Variants in CERT1 observed in about 807,000 individuals in gnomAD.
The protein encoded by CERT1 is ceramide transfer protein.
A neutral mutation model predicts 87.9 loss-of-function variants in CERT1; 31 were observed. That is an observed-to-expected ratio of 0.35 (90% CI 0.27 to 0.48). CERT1 has a LOEUF of 0.48. Among genes scored for constraint, CERT1 ranks in the 20% least tolerant of loss-of-function variants. The probability of loss-of-function intolerance (pLI) is 0.99; values close to 1 mark genes in which losing one functional copy is unlikely to be tolerated. For synonymous variants in CERT1, 289 were observed against 250.9 expected (o/e 1.15, Z -1.44); for missense variants, 487 against 758.0 (o/e 0.64, Z 4.20).
chr5:75,397,596 T>C (rs191123968), intron 11 of CERT1, among the ~76,000 whole-genome samples: 2 of 152,218 alleles, frequency 1.3e-5, no homozygotes, highest in South Asian at 2.1e-4. Flanking sequence ...TTATAGCCTA[T>C]GTATTCCTGC....
At chr5:75,443,094 T>G (rs940936570) in intron 3 of CERT1, among the ~76,000 whole-genome samples, 2 of 152,140 alleles carry the variant, frequency 1.3e-5, no homozygotes, top group African/African-American at 4.8e-5. Context: ...TGTTGGTAAT[T>G]TGAATGTTCT....
intron 2 of CERT1, among the ~76,000 whole-genome samples, chr5:75,497,820 G>A (rs1181238137): frequency 6.6e-6 from 1 of 152,144 alleles, no homozygotes; most frequent in Non-Finnish European, 1.5e-5. Flanking sequence ...CGTAGAGAGT[G>A]GGGTGCTGCT....
At chr5:75,431,188 AT>A (rs558281941) in intron 3 of CERT1, among the ~76,000 whole-genome samples, 6 of 152,232 alleles carry the variant, frequency 3.9e-5, no homozygotes, top group African/African-American at 1.4e-4. Flanking sequence ...CCTGACAGGT[AT>A]TTTTTTGTCC....
rs757777770 is a variant in CERT1, at chr5:75,381,199, T to C, written c.1620A>G (p.Leu540=). The stretch of plus-strand genomic sequence containing the variant: ...TTTTGGCACGGACACATCGGTTGTT[T>C]AGCTGCCAAAACAAAAAACAAAGCA... ...NFSVDHDSAP[L]NNRCVRAKIN... is the part of the protein sequence containing the mutation. Residue 540 remains leucine, a splice_region_variant and synonymous_variant, in exon 16 of 17, where the codon CTA becomes CTG. Coordinates refer to ENST00000643780, the MANE Select transcript of CERT1 (RefSeq NM_001379029.1). 1 of 1,614,122 alleles carries C rather than the reference T, an allele frequency of 6.2e-7. No individual in the cohort carries two copies. The highest frequency in any genetic ancestry group is 8.5e-7 in the Non-Finnish European group (1 of 1,179,998).
intron 5 of CERT1, among the ~76,000 whole-genome samples, chr5:75,420,982 T>A (rs944343352): frequency 8.5e-5 from 13 of 152,132 alleles, no homozygotes; most frequent in Non-Finnish European, 1.3e-4. Flanking sequence ...CCAGCCCAGC[T>A]AATTTTTGTA....
chr5:75,373,922 C>G, downstream of CERT1: 1 of 390,142 alleles, frequency 2.6e-6, no homozygotes. Context: ...ATTTTTTTTT[C>G]TCTTCTAGGA....
intron 3 of CERT1, among the ~76,000 whole-genome samples, chr5:75,434,384 G>C (rs1301445874): frequency 1.3e-5 from 2 of 152,026 alleles, no homozygotes; most frequent in African/African-American, 4.8e-5. Flanking sequence ...ACGTGCTGCT[G>C]TATTCAATTT....
chr5:75,420,721 A>G (rs1763342705), intron 5 of CERT1, among the ~76,000 whole-genome samples: 1 of 151,956 alleles, frequency 6.6e-6, no homozygotes, highest in South Asian at 2.1e-4. Context: ...CTACTACGCC[A>G]CATGCTTTAA....
intron 14 of CERT1, among the ~76,000 whole-genome samples, chr5:75,384,248 A>C (rs184843410): frequency 8.3e-4 from 127 of 152,322 alleles, no homozygotes; most frequent in Non-Finnish European, 1.5e-3. Context: ...ACTGTGTATA[A>C]AGAAAGCTAA....
chr5:75,381,541 T>A lies in CERT1; in HGVS notation c.1618-340A>T, dbSNP rs915304446. Among the ~76,000 whole-genome samples the A allele has an allele frequency of 1.7e-3, 255 of 149,908 alleles. 1 individual carries two copies. The highest frequency in any genetic ancestry group is 3.5e-3 in the Middle Eastern group (1 of 288). The stretch of plus-strand genomic sequence containing the variant: ...TGGCTAATTAAAAAAAAAAAAAAAA[T>A]TTTTTTTAATAGAGATGGGGTCTAA... On this transcript the variant is annotated intron_variant, in intron 15 of 16. Coordinates refer to ENST00000643780, the MANE Select transcript of CERT1 (RefSeq NM_001379029.1).
At chr5:75,467,379 C>G (rs181927290) in intron 2 of CERT1, among the ~76,000 whole-genome samples, 1 of 152,038 alleles carries the variant, frequency 6.6e-6, no homozygotes, top group East Asian at 1.9e-4. Context: ...TGGTAGCTCA[C>G]GCCTGTAATC....
upstream of CERT1, chr5:75,511,879 C>T: frequency 1.3e-6 from 2 of 1,500,472 alleles, no homozygotes; most frequent in South Asian, 2.5e-5. Context: ...CTCGCGCAGC[C>T]TCCTGGGAGT....
chr5:75,456,285 T>C (rs1764978430), intron 3 of CERT1, among the ~76,000 whole-genome samples: 2 of 152,148 alleles, frequency 1.3e-5, no homozygotes, highest in African/African-American at 4.8e-5. Context: ...TCAGTTGGCA[T>C]ACATCACATA....
At chr5:75,410,219 T>A (rs1189177566) in intron 8 of CERT1, among the ~76,000 whole-genome samples, 2 of 152,224 alleles carry the variant, frequency 1.3e-5, no homozygotes, top group Admixed American at 6.5e-5. Context: ...GGAGATTTTA[T>A]TACCTGCTTA....
chr5:75,479,794 T>C (rs755352064), intron 2 of CERT1, among the ~76,000 whole-genome samples: 3 of 152,210 alleles, frequency 2.0e-5, no homozygotes, highest in South Asian at 2.1e-4. Context: ...TATATTCCTC[T>C]AGGTATATAT....
At chr5:75,470,542 G>GGGAC (rs1296820314) in intron 2 of CERT1, among the ~76,000 whole-genome samples, 2 of 152,040 alleles carry the variant, frequency 1.3e-5, no homozygotes, top group Admixed American at 1.3e-4. Flanking sequence ...AATAGATGCA[G>GGGAC]AAAAAGCACT....
At chr5:75,379,678 G>A (rs766790931) in intron 16 of CERT1, among the ~76,000 whole-genome samples, 28 of 151,996 alleles carry the variant, frequency 1.8e-4, no homozygotes, top group African/African-American at 5.1e-4. Context: ...TTCCGCCTCC[G>A]GGGTTCAAGT....
upstream of CERT1, chr5:75,511,930 G>C (rs1165755461): frequency 2.7e-6 from 3 of 1,110,238 alleles, no homozygotes; most frequent in Non-Finnish European, 2.6e-6. Context: ...TATCCCGCGC[G>C]GGGATCGCTT....
At chr5:75,434,510 T>G (rs1373045225) in intron 3 of CERT1, among the ~76,000 whole-genome samples, 1 of 152,052 alleles carries the variant, frequency 6.6e-6, no homozygotes, top group Non-Finnish European at 1.5e-5. Flanking sequence ...TCAGAATGAG[T>G]TAGGGAGGAA....
Sources: allele counts gnomAD v4.1 joint callset (sites outside exome capture counted in the v4.1 genomes callset), GRCh38; gene constraint gnomAD v4.1.1; transcripts MANE v1.5; gene names NCBI Gene and HGNC (gene_info 2026-07-23, HGNC 2026-07-21).